RASGRF2: variants seen among roughly 807,000 people sequenced by gnomAD.
The protein encoded by RASGRF2 is ras-specific guanine nucleotide-releasing factor 2.
In RASGRF2, 76 loss-of-function variants were observed where a neutral mutation model predicts 151.0. That is an observed-to-expected ratio of 0.50 (90% CI 0.42 to 0.61). The LOEUF is 0.61. RASGRF2 is among the 20% of genes least tolerant of loss of function. The pLI is 0.00. For synonymous variants in RASGRF2, 504 were observed against 566.5 expected (o/e 0.89, Z 1.57); for missense variants, 1,148 against 1,564.6 (o/e 0.73, Z 4.49).
chr5:81,198,131 T>A (rs930319688), intron 18 of RASGRF2, among the ~76,000 whole-genome samples: 1 of 152,064 alleles, frequency 6.6e-6, no homozygotes, highest in African/African-American at 2.4e-5. Flanking sequence ...ATTTTTTTTT[T>A]AATTGCATTT....
intron 23 of RASGRF2, among the ~76,000 whole-genome samples, chr5:81,214,243 G>C (rs1221180742): frequency 2.0e-5 from 3 of 152,220 alleles, no homozygotes; most frequent in Admixed American, 6.5e-5. Flanking sequence ...ACCATCTGTA[G>C]AGGCTCTAAA....
chr5:81,209,287 C>A (rs1251258992), intron 22 of RASGRF2, among the ~76,000 whole-genome samples: 1 of 152,000 alleles, frequency 6.6e-6, no homozygotes, highest in East Asian at 1.9e-4. Context: ...TGCTTTTATA[C>A]CTCCCCGCTC....
intron 17 of RASGRF2, among the ~76,000 whole-genome samples, chr5:81,136,529 G>C (rs1753758216): frequency 6.6e-6 from 1 of 152,024 alleles, no homozygotes; most frequent in South Asian, 2.1e-4. Context: ...TCCTCTGTTG[G>C]TGTTTATTTC....
chr5:81,164,625 A>G (rs1754464501), intron 17 of RASGRF2, among the ~76,000 whole-genome samples: 1 of 152,236 alleles, frequency 6.6e-6, no homozygotes, highest in African/African-American at 2.4e-5. Flanking sequence ...GTTGCATAGA[A>G]AATACTTTCA....
intron 15 of RASGRF2, chr5:81,114,704 A>G (rs1753103003): frequency 6.6e-6 from 1 of 152,346 alleles, no homozygotes; most frequent in Non-Finnish European, 1.5e-5. Flanking sequence ...TTTTTGTGTC[A>G]AAAGCATTTT....
intron 17 of RASGRF2, among the ~76,000 whole-genome samples, chr5:81,157,947 A>G (rs1252280410): frequency 6.6e-6 from 1 of 152,236 alleles, no homozygotes; most frequent in Non-Finnish European, 1.5e-5. Flanking sequence ...ACAGAAATGG[A>G]CAAGCTGATC....
chr5:81,038,347 T>A (rs1206750685), intron 1 of RASGRF2, among the ~76,000 whole-genome samples: 4 of 152,162 alleles, frequency 2.6e-5, no homozygotes, highest in Non-Finnish European at 5.9e-5. Context: ...TCCGGTGCTG[T>A]CTCCTTGTCA....
At chr5:81,218,907 G>A (rs932644322) in intron 25 of RASGRF2, among the ~76,000 whole-genome samples, 4 of 152,128 alleles carry the variant, frequency 2.6e-5, no homozygotes, top group African/African-American at 9.7e-5. Flanking sequence ...CCAGTGTTTT[G>A]TAGAGGTCTT....
At chr5:80,968,219 T>G (rs112659827) in intron 1 of RASGRF2, among the ~76,000 whole-genome samples, 2,437 of 152,334 alleles carry the variant, frequency 0.016, 67 homozygotes, top group African/African-American at 0.055. Flanking sequence ...TTAGAAAGTA[T>G]TTTCCTTTCC....
intron 3 of RASGRF2, 94 bp from the exon 4 acceptor site, chr5:81,070,398 C>A: frequency 1.0e-6 from 1 of 1,004,022 alleles, no homozygotes; most frequent in Non-Finnish European, 1.6e-6. Context: ...TCCTGAGGAT[C>A]TCATTGGACC....
At position 81,125,179 on chromosome 5, in the gene RASGRF2, G is replaced by A. The variant is rs137958674; in HGVS notation, c.2596+1412G>A. Among the ~76,000 whole-genome samples the A allele has an allele frequency of 6.2e-3, 949 of 152,222 alleles. 2 individuals are homozygous for A. Among genetic ancestry groups the A allele is most frequent in the Admixed American group, 0.012 (178 of 15,282 alleles). Reference sequence around the variant, plus strand: ...TGAGATTACAGGAATAAGCCACTGCGCCCAGCCTATAAAGGCATTTTTGAC... The same window carrying A: ...TGAGATTACAGGAATAAGCCACTGCACCCAGCCTATAAAGGCATTTTTGAC... On this transcript the variant is annotated intron_variant, in intron 16 of 26. Transcript: ENST00000265080.
Position 80,996,505 on chromosome 5 carries a change from C to CTTCTTCT in RASGRF2, c.288+35480_288+35481insTCTTCTT, listed in dbSNP as rs56082157. On this transcript the variant is annotated intron_variant, in intron 1 of 26. Transcript: ENST00000265080. ...CTTCTTCTTCTTCTTCTTCTTCTTC[C>CTTCTTCT]TCCTCCTCCTCCTCCCCCTCCTCCT... Among the ~76,000 whole-genome samples, 319 of 47,772 alleles carry CTTCTTCT rather than the reference C, an allele frequency of 6.7e-3. 58 individuals are homozygous for CTTCTTCT. The highest frequency in any genetic ancestry group is 0.019 in the African/African-American group (199 of 10,212). 31.3% of individuals were successfully genotyped at this position (47,772 alleles called of 152,430 possible). A position where few individuals can be genotyped will look rare whatever the true frequency, so the allele number is the denominator to read the frequency against.
chr5:81,130,672 A>C (rs901882185), intron 17 of RASGRF2, among the ~76,000 whole-genome samples: 10 of 152,184 alleles, frequency 6.6e-5, no homozygotes, highest in African/African-American at 2.4e-4. Context: ...GTGCTGGATA[A>C]GAGTCAACTC....
At chr5:81,034,371 C>A (rs1408003029) in intron 1 of RASGRF2, among the ~76,000 whole-genome samples, 1 of 151,926 alleles carries the variant, frequency 6.6e-6, no homozygotes, top group Non-Finnish European at 1.5e-5. Context: ...CTAGTTCAAC[C>A]ATTGTGGAAG....
chr5:81,221,641 A>T (rs948195486), intron 26 of RASGRF2, among the ~76,000 whole-genome samples: 2 of 152,198 alleles, frequency 1.3e-5, no homozygotes, highest in Admixed American at 6.5e-5. Flanking sequence ...ACTTGAGCCC[A>T]GGAGTTTGAG....
intron 1 of RASGRF2, among the ~76,000 whole-genome samples, chr5:81,004,528 CCA>C (rs1321400180): frequency 6.6e-6 from 1 of 152,212 alleles, no homozygotes; most frequent in Non-Finnish European, 1.5e-5. Context: ...TTCCAACATT[CCA>C]CCAATTTGGC....
At chr5:81,050,839 C>T (rs1328172326) in intron 2 of RASGRF2, among the ~76,000 whole-genome samples, 1 of 152,148 alleles carries the variant, frequency 6.6e-6, no homozygotes, top group African/African-American at 2.4e-5. Flanking sequence ...TCCTTCAAAG[C>T]AAATTGTGTA....
intron 18 of RASGRF2, among the ~76,000 whole-genome samples, chr5:81,190,068 T>A (rs777020128): frequency 1.3e-5 from 2 of 152,188 alleles, no homozygotes; most frequent in Admixed American, 6.5e-5. Context: ...CACTTCTAGC[T>A]GTCGACACTG....
Position 81,217,322 on chromosome 5 carries a change from A to T in RASGRF2, c.3435-34A>T, listed in dbSNP as rs572004708. ...GGGAGGGAAATAGACATTTATTCAA[A>T]TGAGTCTCAGAACAGTGCCTCTTGG... On this transcript the variant is annotated intron_variant, in intron 24 of 26. Coordinates refer to ENST00000265080, the MANE Select transcript of RASGRF2 (RefSeq NM_006909.3). 5.8e-6 allele frequency: 9 copies of T among 1,562,706 alleles called. No individual in the cohort carries two copies. The African/African-American group carries it at 1.1e-4, about 19-fold the overall frequency.
Sources: allele counts gnomAD v4.1 joint callset (sites outside exome capture counted in the v4.1 genomes callset), GRCh38; gene constraint gnomAD v4.1.1; transcripts MANE v1.5; gene names NCBI Gene and HGNC (gene_info 2026-07-23, HGNC 2026-07-21).